SPHKAP: variants seen among roughly 807,000 people sequenced by gnomAD.
SPHKAP encodes the protein A-kinase anchor protein SPHKAP.
SPHKAP carries 67 observed loss-of-function variants against 137.5 expected under a neutral mutation model. That is an observed-to-expected ratio of 0.49 (90% CI 0.40 to 0.60). The LOEUF (loss-of-function observed/expected upper bound fraction) is 0.60, where lower values mean the gene tolerates loss of function less well. Among genes scored for constraint, SPHKAP ranks in the 20% least tolerant of loss-of-function variants. SPHKAP has a pLI of 0.00. For synonymous variants in SPHKAP, 813 were observed against 785.3 expected (o/e 1.04, Z -0.59); for missense variants, 2,097 against 2,069.3 (o/e 1.01, Z -0.26).
At chr2:228,067,849 A>G (rs1044383791) in intron 3 of SPHKAP, among the ~76,000 whole-genome samples, 1 of 152,220 alleles carries the variant, frequency 6.6e-6, no homozygotes, top group African/African-American at 2.4e-5. Context: ...TCAATGAAAC[A>G]TGGATTGAAA....
chr2:228,002,840 C>A (rs541898053), intron 7 of SPHKAP, among the ~76,000 whole-genome samples: 1 of 152,290 alleles, frequency 6.6e-6, no homozygotes, highest in Non-Finnish European at 1.5e-5. Flanking sequence ...TTCCCCATTT[C>A]TTGTTTTCAT....
Position 228,016,899 on chromosome 2 carries a change from G to A in SPHKAP, c.3955C>T (p.Arg1319Cys), listed in dbSNP as rs757880925. ...TCATCCACAATGATTTTGTTCTTGC[G>A]CATGAGAGCCTCAATGGAGCTAGCC... is the stretch of plus-strand genomic sequence containing the variant. The part of the protein sequence containing the change: ...TWASSIEALM[R>C]KNKIIVDDAE... The change falls in exon 7 of 12, where the codon CGC (arginine) becomes TGC (cysteine). Residue 1319 changes from arginine (R) to cysteine (C), a missense_variant. By Grantham distance (180) the Arg-to-Cys change is radical. Coordinates refer to ENST00000392056, the MANE Select transcript of SPHKAP (RefSeq NM_001142644.2). 5.0e-6 allele frequency: 8 copies of A among 1,614,082 alleles called. No homozygotes were observed. Among genetic ancestry groups the A allele is most frequent in the Non-Finnish European group, 5.9e-6 (7 of 1,180,012 alleles).
chr2:228,121,663 C>T (rs1410282262), intron 2 of SPHKAP, among the ~76,000 whole-genome samples: 1 of 152,172 alleles, frequency 6.6e-6, no homozygotes, highest in Non-Finnish European at 1.5e-5. Flanking sequence ...TGGATGCTTT[C>T]CATCCTGGAG....
intron 7 of SPHKAP, among the ~76,000 whole-genome samples, chr2:228,009,769 CTTTAT>C (rs985701452): frequency 1.3e-5 from 2 of 151,562 alleles, no homozygotes; most frequent in African/African-American, 4.9e-5. Context: ...GTAGATTAGC[CTTTAT>C]TTTTAGGGCT....
At chr2:228,065,671 T>C (rs949647397) in intron 3 of SPHKAP, among the ~76,000 whole-genome samples, 3 of 152,218 alleles carry the variant, frequency 2.0e-5, no homozygotes, top group Non-Finnish European at 4.4e-5. Flanking sequence ...CTACTGCTGA[T>C]GGTTGTGCAA....
chr2:228,049,158 A>G (rs1231924971), intron 3 of SPHKAP, among the ~76,000 whole-genome samples: 5 of 152,080 alleles, frequency 3.3e-5, no homozygotes, highest in East Asian at 3.8e-4. Flanking sequence ...GGGTTTAAAC[A>G]CATACAGCTT....
intron 4 of SPHKAP, among the ~76,000 whole-genome samples, 195 bp downstream of exon 4, chr2:228,027,289 A>G (rs866410870): frequency 1.3e-5 from 2 of 152,212 alleles, no homozygotes; most frequent in Non-Finnish European, 2.9e-5. Flanking sequence ...TTCTGCCTAC[A>G]TGGGAGAGCA....
At chr2:228,062,193 T>C (rs891790861) in intron 3 of SPHKAP, among the ~76,000 whole-genome samples, 10 of 151,662 alleles carry the variant, frequency 6.6e-5, no homozygotes, top group Non-Finnish European at 1.2e-4. Flanking sequence ...TTTTAAATCT[T>C]GTCTCATTGC....
intron 7 of SPHKAP, 79 bp downstream of exon 7, chr2:228,016,327 C>T: frequency 6.9e-6 from 10 of 1,441,954 alleles, no homozygotes; most frequent in South Asian, 5.0e-5. Context: ...TCCTTTATGT[C>T]TAAAATTTAG....
intron 3 of SPHKAP, among the ~76,000 whole-genome samples, chr2:228,060,292 A>C (rs538325784): frequency 1.3e-5 from 2 of 152,188 alleles, no homozygotes; most frequent in Non-Finnish European, 2.9e-5. Flanking sequence ...AAACAGCAAC[A>C]TTTCTTTTCA....
intron 3 of SPHKAP, among the ~76,000 whole-genome samples, chr2:228,053,431 C>T (rs1696329262): frequency 6.6e-6 from 1 of 152,112 alleles, no homozygotes. Context: ...TCTGTTTGTC[C>T]AGAGAGGAAT....
chr2:228,016,586 G>A lies in SPHKAP; in HGVS notation c.4268C>T (p.Ser1423Leu), dbSNP rs760739252. The change falls in exon 7 of 12, where the codon TCG (serine) becomes TTG (leucine). Residue 1423 changes from serine to leucine, a missense_variant. Transcript: ENST00000392056. ...PINHKRRSLC[S>L]REVPLIQIET... The stretch of plus-strand genomic sequence containing the variant: ...AATCTGAATCAAAGGCACTTCCCTC[G>A]AGCAAAGTGATCGCCTTTTGTGGTT... The A allele has an allele frequency of 1.9e-5, 30 of 1,614,016 alleles. No homozygotes were observed. In the East Asian group the frequency reaches 2.9e-4, roughly 16 times the overall value.
At chr2:227,991,757 C>T (rs1312624568) in intron 9 of SPHKAP, 8 of 784,300 alleles carry the variant, frequency 1.0e-5, no homozygotes, top group Non-Finnish European at 1.2e-5. Context: ...AATTTTTTTT[C>T]TATACTACAA....
chr2:228,154,696 C>T (rs1394223198), intron 1 of SPHKAP, among the ~76,000 whole-genome samples: 4 of 145,068 alleles, frequency 2.8e-5, no homozygotes, highest in African/African-American at 1.0e-4. Flanking sequence ...GTACAGGCGC[C>T]TGCCACCATG....
chr2:228,051,179 C>T (rs1255845750), intron 3 of SPHKAP, among the ~76,000 whole-genome samples: 3 of 152,056 alleles, frequency 2.0e-5, no homozygotes, highest in African/African-American at 4.8e-5. Flanking sequence ...TTAGTGTTTG[C>T]CTTGTTGTGA....
rs562482089 is a variant in SPHKAP, at chr2:228,015,226, C to A, written c.4448+1180G>T. Among the ~76,000 whole-genome samples the A allele has an allele frequency of 5.8e-3, 883 of 151,942 alleles. 9 individuals carry two copies. The highest frequency in any genetic ancestry group is 0.02 in the African/African-American group (844 of 41,376). ...GAGAATGATGATTTCCAATTTCATC[C>A]ATGTCCCTACAAAGGACATGAACTC... On this transcript the variant is annotated intron_variant, in intron 7 of 11. Transcript: ENST00000392056.
intron 3 of SPHKAP, among the ~76,000 whole-genome samples, chr2:228,102,136 T>C (rs1698197463): frequency 1.3e-5 from 2 of 152,232 alleles, no homozygotes; most frequent in Admixed American, 1.3e-4. Context: ...TATCTTTTCA[T>C]ATGGCTTTTG....
intron 3 of SPHKAP, among the ~76,000 whole-genome samples, chr2:228,066,622 G>T (rs1456523469): frequency 6.6e-6 from 1 of 152,200 alleles, no homozygotes; most frequent in African/African-American, 2.4e-5. Context: ...CGTGGGGGCA[G>T]TGGAGCCAGG....
At chr2:228,140,096 C>G (rs374589699) in intron 1 of SPHKAP, among the ~76,000 whole-genome samples, 4 of 151,724 alleles carry the variant, frequency 2.6e-5, no homozygotes, top group African/African-American at 9.7e-5. Context: ...AGGCACCCAC[C>G]ACCATGCCCG....
Sources: gnomAD v4.1 joint callset for allele counts (sites outside exome capture counted in the v4.1 genomes callset) on GRCh38, gnomAD v4.1.1 for gene constraint, MANE v1.5 for transcripts, NCBI Gene and HGNC (gene_info 2026-07-23, HGNC 2026-07-21) for gene names.